The following PTCD1 variants were observed in gnomAD, a reference collection of about 807,000 sequenced individuals.
PTCD1 encodes pentatricopeptide repeat-containing protein 1, mitochondrial.
In PTCD1, 50 loss-of-function variants were observed where a neutral mutation model predicts 53.4. The observed-to-expected ratio is 0.94, with a 90% CI of 0.75 to 1.19. The LOEUF is 1.19. PTCD1 is among the 50% of genes most tolerant of loss of function. The pLI, the probability that PTCD1 is intolerant of heterozygous loss-of-function variation, is 0.00. For synonymous variants in PTCD1, 413 were observed against 394.8 expected (o/e 1.05, Z -0.55); for missense variants, 918 against 904.8 (o/e 1.01, Z -0.19).
Position 99,420,002 on chromosome 7 carries a change from C to G in PTCD1, c.2068G>C (p.Glu690Gln), listed in dbSNP as rs763555512. The change falls in exon 8 of 8, where the codon GAG (glutamate) becomes CAG (glutamine). Residue 690 changes from glutamate (E) to glutamine (Q), a missense_variant. Coordinates refer to ENST00000292478, the MANE Select transcript of PTCD1 (RefSeq NM_015545.4). ...CCAAGGGCACATCCGTCATCAGCCT[C>G]CTTGCCGGTGTCCTGGTCCCCCTGG... The part of the protein sequence containing the change: ...KPQGDQDTGK[E>Q]ADDGCALGGR 6.2e-7 allele frequency: 1 copy of G among 1,614,236 alleles called. No homozygotes were observed. The highest frequency in any genetic ancestry group is 8.5e-7 in the Non-Finnish European group (1 of 1,180,028).
At chr7:99,433,563 G>A in intron 2 of PTCD1, 145 bp from the exon 3 acceptor site, 1 of 1,509,012 alleles carries the variant, frequency 6.6e-7, no homozygotes. Flanking sequence ...GCCCCCAGCT[G>A]TTTCTGCCCC....
intron 1 of PTCD1, 58 bp from the exon 2 acceptor site, chr7:99,435,326 A>G: frequency 6.3e-7 from 1 of 1,586,972 alleles, no homozygotes; most frequent in South Asian, 1.1e-5. Flanking sequence ...CAAAAGGCAG[A>G]AAGAAAGAAG....
chr7:99,424,866 G>A lies in PTCD1; in HGVS notation c.1666C>T (p.Gln556Ter). 6.2e-7 allele frequency: 1 copy of A among 1,614,268 alleles called. No homozygotes were observed. Among genetic ancestry groups the A allele is most frequent in the Non-Finnish European group, 8.5e-7 (1 of 1,180,054 alleles). ...LAKRGLVPNL[Q>*]TFCNLAIGCH... ...CCGATGGCCAGGTTGCAGAATGTCT[G>A]CAGGTTGGGGACGAGGCCCCTCTTT... is the stretch of plus-strand genomic sequence containing the variant. The change falls in exon 6 of 8, where the codon CAG becomes TAG. Residue 556 changes from glutamine (Q) to a stop codon, truncating the protein, a stop_gained. Transcript: ENST00000292478. LOFTEE classifies it high-confidence loss of function.
chr7:99,421,121 G>A (rs867839671), intron 7 of PTCD1, among the ~76,000 whole-genome samples: 31 of 151,996 alleles, frequency 2.0e-4, no homozygotes, highest in African/African-American at 7.2e-4. Flanking sequence ...GCAGGGTTCC[G>A]CCCCCCAAAA....
In PTCD1 at chr7:99,416,825, A is replaced by G. The variant is rs551682271; in HGVS notation, c.*3142T>C. ...AGCCTCAACCTTCTGGGCTCAAGGGATCCTCTCACCTCAACCTCCTGAGTA... is the reference window on the plus strand; with the variant it reads ...AGCCTCAACCTTCTGGGCTCAAGGGGTCCTCTCACCTCAACCTCCTGAGTA... On this transcript the variant is annotated 3_prime_UTR_variant, in exon 8 of 8. Coordinates refer to ENST00000292478, the MANE Select transcript of PTCD1 (RefSeq NM_015545.4). 6.6e-6 allele frequency: 1 copy of G among 150,734 alleles called. No individual in the cohort carries two copies. 9.3% of individuals were successfully genotyped at this position (150,734 alleles called of 1,614,324 possible). A position where few individuals can be genotyped will look rare whatever the true frequency, so the allele number is the denominator to read the frequency against.
intron 2 of PTCD1, 113 bp downstream of exon 2, chr7:99,434,677 T>A: frequency 7.4e-7 from 1 of 1,352,056 alleles, no homozygotes; most frequent in Non-Finnish European, 1.1e-6. Flanking sequence ...GGCTGGCAGT[T>A]CAACAGGGTA....
chr7:99,429,925 C>A (rs1796196786), intron 3 of PTCD1, 119 bp from the exon 4 acceptor site: 6 of 1,290,146 alleles, frequency 4.7e-6, no homozygotes, highest in East Asian at 5.0e-5. Flanking sequence ...CCAGGCCAGG[C>A]TCTAAGGCAG....
chr7:99,432,858 A>T (rs1207189109), intron 3 of PTCD1: 12 of 306,970 alleles, frequency 3.9e-5, no homozygotes, highest in Non-Finnish European at 6.4e-5. Context: ...AGACCAGCCT[A>T]GACAAAGCAG....
At chr7:99,424,422 G>C (rs373429608) in intron 6 of PTCD1, among the ~76,000 whole-genome samples, 3 of 152,178 alleles carry the variant, frequency 2.0e-5, no homozygotes, top group African/African-American at 7.2e-5. Context: ...ACTTCCAATG[G>C]GGGTTAGGTG....
At chr7:99,432,030 CCA>C (rs1490846981) in intron 3 of PTCD1, among the ~76,000 whole-genome samples, 1 of 152,156 alleles carries the variant, frequency 6.6e-6, no homozygotes, top group African/African-American at 2.4e-5. Flanking sequence ...TCTCGAGTAC[CCA>C]GGGACACAAT....
At chr7:99,426,181 C>A (rs1289647795) in intron 5 of PTCD1, among the ~76,000 whole-genome samples, 2 of 118,320 alleles carry the variant, frequency 1.7e-5, no homozygotes, top group African/African-American at 6.4e-5. Context: ...CACGGTCTCC[C>A]TCTCCCTCTC....
chr7:99,435,125 G>A lies in PTCD1; in HGVS notation c.118C>T (p.Arg40Trp), dbSNP rs375579760. ...RWAGGREGLMRPMWAPFSSSS... is the reference protein window; with the variant it reads ...RWAGGREGLMWPMWAPFSSSS... ...CTGCTGAAGGGCGCCCACATTGGCC[G>A]CATCAGCCCCTCCCTGCCTCCTGCC... is the stretch of plus-strand genomic sequence containing the variant. The change falls in exon 2 of 8, where the codon CGG (arginine) becomes TGG (tryptophan). Residue 40 changes from arginine to tryptophan, a missense_variant. Arg to Trp is a moderately radical substitution (Grantham distance 101, BLOSUM62 -3). Transcript: ENST00000292478. 15 of 1,601,634 alleles carry A rather than the reference G, an allele frequency of 9.4e-6. No homozygotes were observed. Among genetic ancestry groups the A allele is most frequent in the East Asian group, 2.2e-5 (1 of 44,752 alleles).
chr7:99,434,672 G>A, intron 2 of PTCD1, 118 bp downstream of exon 2: 1 of 1,235,878 alleles, frequency 8.1e-7, no homozygotes, highest in Non-Finnish European at 1.2e-6. Flanking sequence ...CATAAGGCTG[G>A]CAGTTCAACA....
Position 99,416,829 on chromosome 7 carries a change from T to C in PTCD1, c.*3138A>G. On this transcript the variant is annotated 3_prime_UTR_variant, in exon 8 of 8. Transcript: ENST00000292478. Reference sequence around the variant, plus strand: ...TCAACCTTCTGGGCTCAAGGGATCCTCTCACCTCAACCTCCTGAGTAGCTG... The same window carrying C: ...TCAACCTTCTGGGCTCAAGGGATCCCCTCACCTCAACCTCCTGAGTAGCTG... The C allele has an allele frequency of 6.4e-6, 1 of 156,362 alleles. No individual in the cohort carries two copies. The highest frequency in any genetic ancestry group is 6.1e-5 in the Admixed American group (1 of 16,426). The allele number at this position is 156,362 out of a possible 1,614,324, so 9.7% of individuals were successfully genotyped here. A position where few individuals can be genotyped will look rare whatever the true frequency, so the allele number is the denominator to read the frequency against.
In PTCD1 at chr7:99,425,481, C is replaced by A; in HGVS notation, c.1051G>T (p.Ala351Ser). The change falls in exon 6 of 8, where the codon GCG (alanine) becomes TCG (serine). Residue 351 changes from alanine (A) to serine (S), a missense_variant. By Grantham distance (99) the Ala-to-Ser change is moderately conservative. Transcript: ENST00000292478. Reference protein sequence around the residue: ...SELLLKPREEATVLQPPVSRQ... With the variant: ...SELLLKPREESTVLQPPVSRQ... ...CTCACTGGGGGCTGAAGCACAGTCG[C>A]CTCCTCCCTGGGCTTCAGAAGCAGC... 2 of 1,613,282 alleles carry A rather than the reference C, an allele frequency of 1.2e-6. No homozygotes were observed. Among genetic ancestry groups the A allele is most frequent in the Non-Finnish European group, 1.7e-6 (2 of 1,179,710 alleles).
At chr7:99,424,736 T>C in intron 6 of PTCD1, 59 bp downstream of exon 6, 1 of 1,600,012 alleles carries the variant, frequency 6.2e-7, no homozygotes, top group East Asian at 2.2e-5. Context: ...ACTTTCCTCC[T>C]GAGCTGCAGA....
Position 99,425,426 on chromosome 7 carries a change from G to C in PTCD1, c.1106C>G (p.Ala369Gly), listed in dbSNP as rs1202890239. The C allele has an allele frequency of 2.5e-6, 4 of 1,614,048 alleles. No homozygotes were observed. The highest frequency in any genetic ancestry group is 3.4e-6 in the Non-Finnish European group (4 of 1,180,034). The change falls in exon 6 of 8, where the codon GCC (alanine) becomes GGC (glycine). Residue 369 changes from alanine to glycine, a missense_variant. By Grantham distance (60) the Ala-to-Gly change is moderately conservative (BLOSUM62 0). Coordinates refer to ENST00000292478, the MANE Select transcript of PTCD1 (RefSeq NM_015545.4). ...GGCTGACATGAGGTTGCCTGCCTTG[G>C]CCTGGGCTGTCCTCCTTGGCCGCTG... ...SRQRPRRTAQ[A>G]KAGNLMSAML...
rs553254306 is a variant in PTCD1, at chr7:99,419,007, G to C, written c.*960C>G. 1.6e-5 allele frequency: 4 copies of C among 251,296 alleles called. No homozygotes were observed. In the East Asian group the frequency reaches 4.6e-4, roughly 29 times the overall value. 15.6% of individuals were successfully genotyped at this position (251,296 alleles called of 1,614,324 possible). A position where few individuals can be genotyped will look rare whatever the true frequency, so the allele number is the denominator to read the frequency against. ...AGTCTCCTGCCCTCTTCCCCCACCAGAGTGTACCAGCCCAGAGGCCCCCCT... is the reference window on the plus strand; with the variant it reads ...AGTCTCCTGCCCTCTTCCCCCACCACAGTGTACCAGCCCAGAGGCCCCCCT... On this transcript the variant is annotated 3_prime_UTR_variant, in exon 8 of 8. Transcript: ENST00000292478.
intron 7 of PTCD1, 125 bp from the exon 8 acceptor site, chr7:99,420,274 G>GA: frequency 7.3e-7 from 1 of 1,370,770 alleles, no homozygotes; most frequent in Non-Finnish European, 1.0e-6. Context: ...GGCTGCAGAG[G>GA]ACAGGGCAGA....
Sources: gnomAD v4.1 joint callset for allele counts (sites outside exome capture counted in the v4.1 genomes callset) on GRCh38, gnomAD v4.1.1 for gene constraint, MANE v1.5 for transcripts, NCBI Gene and HGNC (gene_info 2026-07-23, HGNC 2026-07-21) for gene names.